Variants in LIFR observed in about 807,000 individuals in gnomAD.
The protein encoded by LIFR is LIF receptor subunit alpha.
In LIFR, 84 loss-of-function variants were observed where a neutral mutation model predicts 122.2. The observed-to-expected ratio is 0.69, with a 90% CI of 0.58 to 0.82. LIFR has a LOEUF of 0.82. Ranked by LOEUF, LIFR falls within the 40% of genes least tolerant of loss-of-function variation. The pLI is 0.00. For missense variants in LIFR, 1,294 were observed against 1,311.6 expected (o/e 0.99, Z 0.21); for synonymous variants, 422 against 434.7 (o/e 0.97, Z 0.36).
chr5:38,582,987 C>T (rs1486435378), intron 1 of LIFR, among the ~76,000 whole-genome samples: 5 of 152,192 alleles, frequency 3.3e-5, no homozygotes, highest in African/African-American at 4.8e-5. Flanking sequence ...TGTGTTTGAT[C>T]GCATTGCATT....
At position 38,496,482 on chromosome 5, in the gene LIFR, C is replaced by G. The variant is rs373830378; in HGVS notation, c.1785G>C (p.Glu595Asp). Residue 595 changes from glutamate to aspartate, a missense_variant, in exon 13 of 20, where the codon GAG (glutamate) becomes GAC (aspartate). Coordinates refer to ENST00000453190, the MANE Select transcript of LIFR (RefSeq NM_001127671.2). ...SEIPDPQHKA[E>D]IRLDKNDYII... ...TGTAGTCATTCTTATCAAGTCGTAT[C>G]TCTGCTTTGTGCTGAGGATCAGGGA... 3 of 1,613,988 alleles carry G rather than the reference C, an allele frequency of 1.9e-6. No individual in the cohort carries two copies. The African/African-American group carries it at 4.0e-5, about 22-fold the overall frequency.
chr5:38,572,322 T>G (rs1027292162), intron 1 of LIFR, among the ~76,000 whole-genome samples: 53 of 151,970 alleles, frequency 3.5e-4, no homozygotes, highest in African/African-American at 1.2e-3. Context: ...GAGGGGAAGG[T>G]GCTACACACT....
At chr5:38,562,247 T>C (rs1214503997) in intron 1 of LIFR, among the ~76,000 whole-genome samples, 1 of 152,218 alleles carries the variant, frequency 6.6e-6, no homozygotes, top group Non-Finnish European at 1.5e-5. Flanking sequence ...ATTGTTTCCC[T>C]TCTTGCCTCT....
intron 1 of LIFR, among the ~76,000 whole-genome samples, chr5:38,589,772 C>T (rs557348580): frequency 8.6e-5 from 13 of 150,884 alleles, no homozygotes; most frequent in South Asian, 2.1e-4. Flanking sequence ...TCTTTGTCCT[C>T]GAGCAGAAAG....
At chr5:38,503,669 A>G (rs981704354) in intron 10 of LIFR, among the ~76,000 whole-genome samples, 14 of 152,206 alleles carry the variant, frequency 9.2e-5, no homozygotes, top group Non-Finnish European at 1.8e-4. Context: ...TCTAGTGCCA[A>G]TTCATCCATT....
rs141565142 is a variant in LIFR, at chr5:38,482,616, T to A, written c.2643A>T (p.Ala881=). The A allele has an allele frequency of 1.3e-6, 2 of 1,503,866 alleles. No individual in the cohort carries two copies. Among genetic ancestry groups the A allele is most frequent in the Non-Finnish European group, 1.8e-6 (2 of 1,105,714 alleles). 93.2% of individuals were successfully genotyped at this position (1,503,866 alleles called of 1,614,324 possible). A position where few individuals can be genotyped will look rare whatever the true frequency, so the allele number is the denominator to read the frequency against. The change falls in exon 19 of 20, where the codon GCA becomes GCT. Residue 881 remains alanine (A), a synonymous_variant. Coordinates refer to ENST00000453190, the MANE Select transcript of LIFR (RefSeq NM_001127671.2). ...CACAGACACTCTTTTGAAACTGTAA[T>A]GCTTTACAGTTTTCTGGATTTGGAA... ...PDIPNPENCK[A]LQFQKSVCEG... is the part of the protein sequence containing the mutation.
At chr5:38,485,122 T>C (rs1028978054) in intron 17 of LIFR, among the ~76,000 whole-genome samples, 2 of 152,194 alleles carry the variant, frequency 1.3e-5, no homozygotes, top group Non-Finnish European at 2.9e-5. Context: ...AGATCTTCAC[T>C]AGAGGATCAG....
At chr5:38,491,570 T>C (rs1744597392) in intron 14 of LIFR, among the ~76,000 whole-genome samples, 1 of 152,234 alleles carries the variant, frequency 6.6e-6, no homozygotes, top group African/African-American at 2.4e-5. Context: ...TGGCATTGCA[T>C]TTAATTTGCA....
chr5:38,529,226 G>A (rs185699183), intron 2 of LIFR, among the ~76,000 whole-genome samples: 13 of 151,934 alleles, frequency 8.6e-5, no homozygotes, highest in African/African-American at 2.7e-4. Context: ...GGCTTGAGGG[G>A]ATTCTAGCAC....
At chr5:38,531,472 CAAG>C (rs1345880010) in intron 1 of LIFR, among the ~76,000 whole-genome samples, 2 of 149,956 alleles carry the variant, frequency 1.3e-5, no homozygotes, top group South Asian at 2.1e-4. Context: ...ATATAGGAAA[CAAG>C]AAAACTTAAA....
intron 1 of LIFR, among the ~76,000 whole-genome samples, chr5:38,583,378 C>T (rs1413159620): frequency 6.6e-6 from 1 of 152,100 alleles, no homozygotes; most frequent in Non-Finnish European, 1.5e-5. Flanking sequence ...AACCAATTCT[C>T]ATGAGAACTT....
chr5:38,600,928 C>G (rs570832678), intron 2 of LIFR, among the ~76,000 whole-genome samples: 2 of 152,272 alleles, frequency 1.3e-5, no homozygotes, highest in African/African-American at 4.8e-5. Context: ...ATACTGGAAG[C>G]AAACATTAGT....
At chr5:38,566,244 A>G (rs1444310017) in intron 1 of LIFR, among the ~76,000 whole-genome samples, 1 of 152,368 alleles carries the variant, frequency 6.6e-6, no homozygotes, top group Non-Finnish European at 1.5e-5. Flanking sequence ...GAATTAACAT[A>G]TAATATTCAG....
chr5:38,508,820 G>A (rs1158870250), intron 7 of LIFR, among the ~76,000 whole-genome samples: 3 of 151,894 alleles, frequency 2.0e-5, no homozygotes, highest in Non-Finnish European at 2.9e-5. Flanking sequence ...TCCTGACCTC[G>A]TGATCCGCCC....
chr5:38,572,750 C>T (rs1749257613), intron 1 of LIFR, among the ~76,000 whole-genome samples: 1 of 152,182 alleles, frequency 6.6e-6, no homozygotes, highest in Admixed American at 6.5e-5. Context: ...CCCTTAATAG[C>T]ACACCTACTA....
intron 5 of LIFR, among the ~76,000 whole-genome samples, chr5:38,515,742 A>C (rs1746042319): frequency 6.6e-6 from 1 of 152,058 alleles, no homozygotes; most frequent in Non-Finnish European, 1.5e-5. Flanking sequence ...AAAAGAGTTG[A>C]AACAGGTCGT....
At chr5:38,601,760 A>T (rs1750226664) in intron 2 of LIFR, among the ~76,000 whole-genome samples, 1 of 152,096 alleles carries the variant, frequency 6.6e-6, no homozygotes, top group Admixed American at 6.6e-5. Flanking sequence ...ATGGCTTGAG[A>T]TACTATTTTT....
In LIFR at chr5:38,476,386, C is replaced by T. The variant is rs1743722719; in HGVS notation, c.*5209G>A. On this transcript the variant is annotated 3_prime_UTR_variant, in exon 20 of 20. Transcript: ENST00000453190. ...AAATAGTTCGGAAGCTGAAAGTTAC[C>T]CATTTAAAATGGAATAATTCTTAAC... The T allele has an allele frequency of 4.8e-6, 1 of 208,300 alleles. No homozygotes were observed. The highest frequency in any genetic ancestry group is 7.2e-5 in the East Asian group (1 of 13,814). 12.9% of individuals were successfully genotyped at this position (208,300 alleles called of 1,614,324 possible). A position where few individuals can be genotyped will look rare whatever the true frequency, so the allele number is the denominator to read the frequency against.
intron 1 of LIFR, among the ~76,000 whole-genome samples, chr5:38,594,517 T>C (rs1405203985): frequency 6.6e-6 from 1 of 152,128 alleles, no homozygotes; most frequent in Admixed American, 6.5e-5. Flanking sequence ...TAACATAAGA[T>C]GTTACTAACA....
Sources: gnomAD v4.1 joint callset for allele counts (sites outside exome capture counted in the v4.1 genomes callset) on GRCh38, gnomAD v4.1.1 for gene constraint, MANE v1.5 for transcripts, NCBI Gene and HGNC (gene_info 2026-07-23, HGNC 2026-07-21) for gene names.